KEL: variants seen among roughly 807,000 people sequenced by gnomAD.
KEL encodes kell blood group glycoprotein.
A neutral mutation model predicts 99.5 loss-of-function variants in KEL; 96 were observed. The observed-to-expected ratio is 0.97, with a 90% confidence interval of 0.82 to 1.14. KEL has a LOEUF of 1.14. Ranked by LOEUF, KEL falls within the 50% of genes most tolerant of loss-of-function variation. The pLI is 0.00. For missense variants in KEL, 926 were observed against 924.2 expected (o/e 1.00, Z -0.03); for synonymous variants, 355 against 354.8 (o/e 1.00, Z -0.01).
chr7:142,952,642 T>C lies in KEL; in HGVS notation c.1074-4A>G, dbSNP rs760827437. 20 of 1,613,824 alleles carry C rather than the reference T, an allele frequency of 1.2e-5. No homozygotes were observed. The highest frequency in any genetic ancestry group is 1.6e-5 in the Non-Finnish European group (19 of 1,179,982). The stretch of plus-strand genomic sequence containing the variant: ...CATGTGGCTCTGCAGAAAGTCCCTA[T>C]GGAGACAAAAGAGACCCACACATAT... On this transcript the variant is annotated splice_polypyrimidine_tract_variant and splice_region_variant and intron_variant, in intron 9 of 18. Coordinates refer to ENST00000355265, the MANE Select transcript of KEL (RefSeq NM_000420.3).
In KEL at chr7:142,954,240, C is replaced by T. The variant is rs537189264; in HGVS notation, c.868G>A (p.Glu290Lys). 3.1e-6 allele frequency: 5 copies of T among 1,613,884 alleles called. No homozygotes were observed. In the East Asian group the frequency reaches 1.1e-4, roughly 36 times the overall value. ...SRLFQFLRPLEQRRAQGKLFQ... is the reference protein window; with the variant it reads ...SRLFQFLRPLKQRRAQGKLFQ... Reference sequence around the variant, plus strand: ...AGCTTGCCCTGTGCCCGCCGCTGCTCCAGGGGCCTCAGAAACTGGAACAGC... The same window carrying T: ...AGCTTGCCCTGTGCCCGCCGCTGCTTCAGGGGCCTCAGAAACTGGAACAGC... Residue 290 changes from glutamate (E) to lysine (K), a missense_variant, in exon 8 of 19, where the codon GAG becomes AAG. Glu to Lys is a moderately conservative substitution (Grantham distance 56). Transcript: ENST00000355265.
At chr7:142,960,815 G>T in intron 4 of KEL, 113 bp downstream of exon 4, 1 of 1,095,922 alleles carries the variant, frequency 9.1e-7, no homozygotes, top group Non-Finnish European at 1.4e-6. Flanking sequence ...AATCCCACCT[G>T]GGATGGTGCA....
intron 18 of KEL, 91 bp from the exon 19 acceptor site, chr7:142,941,504 G>A (rs897688465): frequency 8.1e-6 from 10 of 1,240,690 alleles, no homozygotes; most frequent in Admixed American, 4.6e-5. Flanking sequence ...CAGACAAAGA[G>A]GGGAACCAGG....
rs748685628 is a variant in KEL, at chr7:142,942,892, G to A, written c.1924C>T (p.Leu642=). 1.2e-6 allele frequency: 2 copies of A among 1,614,162 alleles called. No individual in the cohort carries two copies. Among genetic ancestry groups the A allele is most frequent in the East Asian group, 2.2e-5 (1 of 44,884 alleles). The stretch of plus-strand genomic sequence containing the variant: ...TTGCATACCTGCAGCGCGATGGCTA[G>A]CCCCCCAACGTCTGCAGCATTCTCT... The part of the protein sequence containing the change: ...FLENAADVGG[L]AIALQAYSKR... Residue 642 remains leucine (L), a synonymous_variant, in exon 17 of 19, where the codon CTA becomes TTA. Transcript: ENST00000355265.
At chr7:142,947,688 T>C (rs1364322345) in intron 10 of KEL, among the ~76,000 whole-genome samples, 1 of 152,170 alleles carries the variant, frequency 6.6e-6, no homozygotes, top group Admixed American at 6.5e-5. Flanking sequence ...GTAGCTGGGA[T>C]TACAGGTGGC....
chr7:142,958,297 T>C lies in KEL; in HGVS notation c.525+7A>G. 1.9e-6 allele frequency: 3 copies of C among 1,614,164 alleles called. No individual in the cohort carries two copies. The highest frequency in any genetic ancestry group is 8.5e-7 in the Non-Finnish European group (1 of 1,180,034). On this transcript the variant is annotated splice_region_variant and intron_variant, in intron 5 of 18. Transcript: ENST00000355265. Reference sequence around the variant, plus strand: ...TCCAGAAAAGTTAATATCCCAACTTTTCTCACCTCCTCAATAACTTGTCTG... The same window carrying C: ...TCCAGAAAAGTTAATATCCCAACTTCTCTCACCTCCTCAATAACTTGTCTG...
chr7:142,960,576 G>C (rs1796931778), intron 4 of KEL, among the ~76,000 whole-genome samples: 6 of 152,164 alleles, frequency 3.9e-5, no homozygotes, highest in Admixed American at 3.9e-4. Flanking sequence ...AACAAAGATG[G>C]AGCTTGCTAA....
intron 10 of KEL, among the ~76,000 whole-genome samples, chr7:142,946,834 A>T (rs1406109486): frequency 6.6e-6 from 1 of 152,246 alleles, no homozygotes; most frequent in Non-Finnish European, 1.5e-5. Context: ...AGAAAAAATT[A>T]TCAGAGTAGA....
intron 4 of KEL, 136 bp from the exon 5 acceptor site, chr7:142,958,564 C>T: frequency 5.0e-6 from 4 of 801,582 alleles, no homozygotes; most frequent in Non-Finnish European, 8.2e-6. Flanking sequence ...ACCCATGTAA[C>T]ATGATTTACT....
chr7:142,947,281 A>AT (rs1399160485), intron 10 of KEL, among the ~76,000 whole-genome samples: 2 of 151,972 alleles, frequency 1.3e-5, no homozygotes, highest in African/African-American at 4.8e-5. Flanking sequence ...TATTCCTGTG[A>AT]TTTTTTTACT....
Position 142,942,570 on chromosome 7 carries a change from C to T in KEL, c.1942-41G>A, listed in dbSNP as rs368716327. On this transcript the variant is annotated intron_variant, in intron 17 of 18. Transcript: ENST00000355265. ...TAGAGAAGGGCCATCAGGCTCTAGA[C>T]CTGTGGCCATTTGAAAGTCCCTCCA... is the stretch of plus-strand genomic sequence containing the variant. 4.8e-6 allele frequency: 7 copies of T among 1,460,608 alleles called. No individual in the cohort carries two copies. The African/African-American group carries it at 8.3e-5, about 17-fold the overall frequency. The allele number at this position is 1,460,608 out of a possible 1,614,324, so 90.5% of individuals were successfully genotyped here.
chr7:142,942,808 G>T (rs1796397987), intron 17 of KEL, 67 bp downstream of exon 17: 1 of 1,586,156 alleles, frequency 6.3e-7, no homozygotes, highest in African/African-American at 1.3e-5. Context: ...ATGGTGGAAG[G>T]AAAACTTGAG....
At chr7:142,947,408 A>G (rs934859103) in intron 10 of KEL, among the ~76,000 whole-genome samples, 11 of 152,086 alleles carry the variant, frequency 7.2e-5, no homozygotes, top group African/African-American at 2.4e-4. Context: ...CAGGAAACAG[A>G]CCAAAGAGGC....
At chr7:142,961,558 G>C (rs1389918667) in intron 2 of KEL, 57 bp from the exon 3 acceptor site, 1 of 1,530,778 alleles carries the variant, frequency 6.5e-7, no homozygotes, top group East Asian at 2.4e-5. Flanking sequence ...GACAGGGATG[G>C]GAAGAAGAGG....
Position 142,961,783 on chromosome 7 carries a change from G to T in KEL, c.81+12C>A. On this transcript the variant is annotated intron_variant, in intron 2 of 18. Transcript: ENST00000355265. ...TCAGTGTATTCCAGACCCAGGAGAGGAGGCCACTTACCTCTTGGCTCCAGA... is the reference window on the plus strand; with the variant it reads ...TCAGTGTATTCCAGACCCAGGAGAGTAGGCCACTTACCTCTTGGCTCCAGA... 2 of 1,610,024 alleles carry T rather than the reference G, an allele frequency of 1.2e-6. No individual in the cohort carries two copies. The highest frequency in any genetic ancestry group is 1.7e-6 in the Non-Finnish European group (2 of 1,176,286).
chr7:142,960,816 G>T, intron 4 of KEL, 112 bp downstream of exon 4: 1 of 1,101,316 alleles, frequency 9.1e-7, no homozygotes, highest in Non-Finnish European at 1.4e-6. Context: ...ATCCCACCTG[G>T]GATGGTGCAA....
At chr7:142,950,469 G>T (rs1288646926) in intron 10 of KEL, among the ~76,000 whole-genome samples, 1 of 152,186 alleles carries the variant, frequency 6.6e-6, no homozygotes, top group Admixed American at 6.5e-5. Context: ...TAGCCAGCCT[G>T]CCTCCTGCCC....
At chr7:142,957,422 C>T (rs8175980) in intron 6 of KEL, among the ~76,000 whole-genome samples, 1,554 of 152,250 alleles carry the variant, frequency 0.01, 12 homozygotes, top group African/African-American at 0.029. Flanking sequence ...ATTCTGATGA[C>T]CTGGCAAGCC....
At chr7:142,956,821 A>C (rs988354169) in intron 6 of KEL, among the ~76,000 whole-genome samples, 1 of 152,250 alleles carries the variant, frequency 6.6e-6, no homozygotes, top group African/African-American at 2.4e-5. Context: ...ATTTTAGAAC[A>C]CCTCATAATG....
Sources: allele counts gnomAD v4.1 joint callset (sites outside exome capture counted in the v4.1 genomes callset), GRCh38; gene constraint gnomAD v4.1.1; transcripts MANE v1.5; gene names NCBI Gene and HGNC (gene_info 2026-07-23, HGNC 2026-07-21).